Variants in LAMA3 observed in about 807,000 individuals in gnomAD.
The protein encoded by LAMA3 is laminin subunit alpha-3.
A neutral mutation model predicts 402.0 loss-of-function variants in LAMA3; 281 were observed. That is an observed-to-expected ratio of 0.70 (90% CI 0.63 to 0.77). The LOEUF is 0.77. Ranked by LOEUF, LAMA3 falls within the 30% of genes least tolerant of loss-of-function variation. The pLI is 0.00. For synonymous variants in LAMA3, 1,431 were observed against 1,558.4 expected, an observed-to-expected ratio of 0.92 and a Z score of 1.93; for missense variants, 3,840 against 4,215.5, an observed-to-expected ratio of 0.91 and a Z score of 2.47.
intron 29 of LAMA3, 48 bp from the exon 30 acceptor site, chr18:23,844,961 C>G: frequency 9.6e-7 from 1 of 1,044,636 alleles, no homozygotes; most frequent in Non-Finnish European, 1.5e-6. Flanking sequence ...AGCCTTAGGT[C>G]TGTGTCATCA....
chr18:23,826,513 A>T (rs551028832), intron 21 of LAMA3, among the ~76,000 whole-genome samples, 189 bp from the exon 22 acceptor site: 1 of 152,298 alleles, frequency 6.6e-6, no homozygotes, highest in South Asian at 2.1e-4. Flanking sequence ...CTGATACATA[A>T]AGAATCTTTG....
rs1253690672 is a variant in LAMA3, at chr18:23,839,631, A to G, written c.3192-154A>G. ...GAATACACTTGGCATGAGTATCATT[A>G]TATAAAGATCCCTAGAGTTCTGTGC... On this transcript the variant is annotated intron_variant, in intron 26 of 74. Coordinates refer to ENST00000313654, the MANE Select transcript of LAMA3 (RefSeq NM_198129.4). The surrounding 1 kb of genome is among the most constrained non-coding windows in gnomAD (Gnocchi z 4.5). Among the ~76,000 whole-genome samples the G allele has an allele frequency of 6.6e-6, 1 of 152,226 alleles. No individual in the cohort carries two copies. Among genetic ancestry groups the G allele is most frequent in the Non-Finnish European group, 1.5e-5 (1 of 68,032 alleles).
chr18:23,944,967 T>G (rs2082655128), intron 69 of LAMA3, among the ~76,000 whole-genome samples: 1 of 152,032 alleles, frequency 6.6e-6, no homozygotes, highest in South Asian at 2.1e-4. Context: ...ACCCCATCTT[T>G]ACTAAAAATA....
Position 23,943,766 on chromosome 18 carries a change from T to C in LAMA3, c.9027-22T>C, listed in dbSNP as rs1599163913. ...GAACGCTGAACACCTCTATTTCCCTTCATCGCCGATGTTCCCAACAGGTCA... is the reference window on the plus strand; with the variant it reads ...GAACGCTGAACACCTCTATTTCCCTCCATCGCCGATGTTCCCAACAGGTCA... On this transcript the variant is annotated intron_variant, in intron 68 of 74. Transcript: ENST00000313654. 3.7e-6 allele frequency: 6 copies of C among 1,612,970 alleles called. No individual in the cohort carries two copies. In the African/African-American group the frequency reaches 4.0e-5, roughly 11 times the overall value.
chr18:23,771,261 A>G (rs753253517), intron 8 of LAMA3, among the ~76,000 whole-genome samples: 2 of 152,260 alleles, frequency 1.3e-5, no homozygotes, highest in African/African-American at 2.4e-5. Flanking sequence ...AGCGACATGC[A>G]AGAATCTTAA....
At chr18:23,783,916 A>T in intron 11 of LAMA3, 107 bp from the exon 12 acceptor site, 1 of 1,402,628 alleles carries the variant, frequency 7.1e-7, no homozygotes, top group Non-Finnish European at 1.0e-6. Flanking sequence ...TAACAGCCAT[A>T]GATAATTAAT....
chr18:23,936,708 A>G (rs2082323907), intron 67 of LAMA3, among the ~76,000 whole-genome samples: 1 of 152,138 alleles, frequency 6.6e-6, no homozygotes, highest in African/African-American at 2.4e-5. Flanking sequence ...TGTAGTGAGG[A>G]TGTGATTCCC....
At chr18:23,769,577 A>C (rs1161712291) in intron 8 of LAMA3, among the ~76,000 whole-genome samples, 1 of 152,270 alleles carries the variant, frequency 6.6e-6, no homozygotes, top group Non-Finnish European at 1.5e-5. Context: ...AGGCCAATAG[A>C]TACTTCTAAA....
chr18:23,902,810 C>A (rs957880905), intron 48 of LAMA3, among the ~76,000 whole-genome samples, 199 bp from the exon 49 acceptor site: 2 of 152,190 alleles, frequency 1.3e-5, no homozygotes, highest in African/African-American at 4.8e-5. Context: ...ATTGGCATAT[C>A]ATTTAAGGAA....
intron 60 of LAMA3, among the ~76,000 whole-genome samples, chr18:23,917,587 T>C (rs777694979): frequency 5.3e-5 from 8 of 152,194 alleles, no homozygotes; most frequent in Non-Finnish European, 1.0e-4. Context: ...TGGTATCTCA[T>C]TGTTTTGATT....
intron 1 of LAMA3, among the ~76,000 whole-genome samples, chr18:23,711,706 T>C (rs2060992944): frequency 1.3e-5 from 2 of 152,206 alleles, no homozygotes; most frequent in Admixed American, 6.5e-5. Context: ...TCTTTCCTCA[T>C]CTGTAAAATA....
intron 12 of LAMA3, among the ~76,000 whole-genome samples, chr18:23,788,517 A>G (rs940675018): frequency 2.6e-5 from 4 of 151,752 alleles, no homozygotes; most frequent in African/African-American, 7.2e-5. Context: ...CATGAGATAT[A>G]CAGAAAATAA....
At chr18:23,765,490 T>C (rs555194892) in intron 8 of LAMA3, among the ~76,000 whole-genome samples, 1 of 152,308 alleles carries the variant, frequency 6.6e-6, no homozygotes, top group East Asian at 1.9e-4. Context: ...AAAACCATTT[T>C]TTAGAGGAAT....
chr18:23,700,711 T>TTTTC (rs2060776743), intron 1 of LAMA3, among the ~76,000 whole-genome samples: 5 of 151,818 alleles, frequency 3.3e-5, no homozygotes, highest in Non-Finnish European at 4.4e-5. Flanking sequence ...CTTTTCTTTT[T>TTTTC]TTTTGAGGCA....
chr18:23,943,114 C>T (rs1017556348), intron 68 of LAMA3, among the ~76,000 whole-genome samples: 6 of 152,174 alleles, frequency 3.9e-5, no homozygotes, highest in East Asian at 3.8e-4. Context: ...TCCCTCTCCA[C>T]GAATACATAC....
Position 23,948,964 on chromosome 18 carries a change from G to C in LAMA3, c.9352-801G>C, listed in dbSNP as rs186652172. 1.4e-4 allele frequency among the ~76,000 whole-genome samples: 22 copies of C among 152,306 alleles called. No homozygotes were observed. The East Asian group carries it at 3.9e-3, about 27-fold the overall frequency. On this transcript the variant is annotated intron_variant, in intron 70 of 74. Transcript: ENST00000313654. ...GCATTCATTCTAGAAGGGAGTTCAA[G>C]AGTTTTATTCGGTGAATCTCAAACT...
chr18:23,741,361 G>T lies in LAMA3; in HGVS notation c.448-6582G>T, dbSNP rs1245936353. Among the ~76,000 whole-genome samples the T allele has an allele frequency of 3.6e-3, 553 of 152,274 alleles. 2 individuals are homozygous for T. Among genetic ancestry groups the T allele is most frequent in the African/African-American group, 0.013 (530 of 41,548 alleles). On this transcript the variant is annotated intron_variant, in intron 2 of 74. Transcript: ENST00000313654. ...CCAGGATTAAAAGGATCCCTTTTCA[G>T]ACTGGTTGGGTTGTATTTTCATCCC...
chr18:23,931,235 G>A (rs780829763), intron 65 of LAMA3, 34 bp downstream of exon 65: 67 of 1,598,656 alleles, frequency 4.2e-5, no homozygotes, highest in Non-Finnish European at 5.5e-5. Flanking sequence ...AGAGCTGTGA[G>A]TGAGTTTTAC....
chr18:23,777,131 C>T (rs972712739), intron 10 of LAMA3, among the ~76,000 whole-genome samples: 1 of 151,910 alleles, frequency 6.6e-6, no homozygotes, highest in Non-Finnish European at 1.5e-5. Flanking sequence ...TGAGCCACTG[C>T]GCTCGGCCTG....
Sources: gnomAD v4.1 joint callset for allele counts (sites outside exome capture counted in the v4.1 genomes callset) on GRCh38, gnomAD v4.1.1 for gene constraint, Gnocchi (gnomAD v3.1) non-coding constraint, MANE v1.5 for transcripts, NCBI Gene and HGNC (gene_info 2026-07-23, HGNC 2026-07-21) for gene names.